Variants in CLCN7 observed in about 807,000 individuals in gnomAD.
CLCN7 encodes the protein Cl-/H+ antiporter 7, also known as H(+)/Cl(-) exchange transporter 7.
A neutral mutation model predicts 102.1 loss-of-function variants in CLCN7; 60 were observed. The ratio of observed to expected loss-of-function variants is 0.59; its 90% confidence interval spans 0.48 to 0.73. The LOEUF (loss-of-function observed/expected upper bound fraction) is 0.73, where lower values mean the gene tolerates loss of function less well. Among genes scored for constraint, CLCN7 ranks in the 30% least tolerant of loss-of-function variants. CLCN7 has a pLI of 0.00. For missense variants in CLCN7, 962 were observed against 1,125.7 expected (o/e 0.85, Z 2.08); for synonymous variants, 560 against 490.5 (o/e 1.14, Z -1.87).
rs941476232 is a variant in CLCN7 at position 1,451,992 on chromosome 16, T to C, written c.1354-276A>G. On this transcript the variant is annotated intron_variant, in intron 15 of 24. Coordinates refer to ENST00000382745, the MANE Select transcript of CLCN7 (RefSeq NM_001287.6). Reference sequence around the variant, plus strand: ...CCTGGGGGGTGGGTTAGCAGGACCATGGGCTGAGACGCTGTCCATCCCTGG... The same window carrying C: ...CCTGGGGGGTGGGTTAGCAGGACCACGGGCTGAGACGCTGTCCATCCCTGG... 6.7e-6 allele frequency: 3 copies of C among 445,762 alleles called. No homozygotes were observed. The Admixed American group carries it at 1.0e-4, about 15-fold the overall frequency. The allele number at this position is 445,762 out of a possible 1,614,324, so 27.6% of individuals were successfully genotyped here.
At position 1,448,578 on chromosome 16, in the gene CLCN7, G is replaced by A. The variant is rs78002466; in HGVS notation, c.1884-94C>T. On this transcript the variant is annotated intron_variant, in intron 20 of 24. Coordinates refer to ENST00000382745, the MANE Select transcript of CLCN7 (RefSeq NM_001287.6). ...GGTGAGGTGTGAAGCCGCTGGACAG[G>A]AAACGCGGGGCTGCCTGGAGCCCGC... The A allele has an allele frequency of 5.3e-3, 8,421 of 1,601,208 alleles. 383 individuals are homozygous for A. In the African/African-American group the frequency reaches 0.097, roughly 19 times the overall value.
chr16:1,461,058 T>C (rs2038928543), intron 4 of CLCN7, 110 bp from the exon 5 acceptor site: 1 of 1,370,458 alleles, frequency 7.3e-7, no homozygotes, highest in Non-Finnish European at 9.9e-7. Flanking sequence ...AAGGGCCCAG[T>C]GTGCACGGTG....
At position 1,448,663 on chromosome 16, in the gene CLCN7, G is replaced by A. The variant is rs1037040048; in HGVS notation, c.1883+18C>T. The A allele has an allele frequency of 6.2e-7, 1 of 1,612,186 alleles. No individual in the cohort carries two copies. On this transcript the variant is annotated intron_variant, in intron 20 of 24. Coordinates refer to ENST00000382745, the MANE Select transcript of CLCN7 (RefSeq NM_001287.6). The stretch of plus-strand genomic sequence containing the variant: ...CGCTGGACACCCTCCCCACCCACAG[G>A]TGTCCTGGGCGCTGTACCTGGCAGT...
At chr16:1,447,149 C>G (rs1338845909) in intron 23 of CLCN7, 63 bp from the exon 24 acceptor site, 1 of 1,467,020 alleles carries the variant, frequency 6.8e-7, no homozygotes, top group Admixed American at 1.9e-5. Flanking sequence ...GACCCTCACC[C>G]AAGCTGGCTC....
At chr16:1,470,340 T>C (rs546757528) in intron 1 of CLCN7, among the ~76,000 whole-genome samples, 7 of 152,168 alleles carry the variant, frequency 4.6e-5, no homozygotes, top group African/African-American at 1.7e-4. Context: ...CACAGTTTTT[T>C]TTAAAACTTA....
chr16:1,457,232 C>A lies in CLCN7; in HGVS notation c.822+22G>T. The A allele has an allele frequency of 1.9e-6, 3 of 1,609,114 alleles. No homozygotes were observed. The highest frequency in any genetic ancestry group is 2.6e-6 in the Non-Finnish European group (3 of 1,175,638). On this transcript the variant is annotated intron_variant, in intron 9 of 24. Coordinates refer to ENST00000382745, the MANE Select transcript of CLCN7 (RefSeq NM_001287.6). This position sits in a 1 kb window ranked among gnomAD's most constrained non-coding sequence, Gnocchi z 5.4. ...CCGTGCCCATGGCATCTGGAGCCCACCCACACAAGATTTCAACTCACCTTG... is the reference window on the plus strand; with the variant it reads ...CCGTGCCCATGGCATCTGGAGCCCAACCACACAAGATTTCAACTCACCTTG...
At chr16:1,461,708 T>C (rs753586657) in intron 2 of CLCN7, 34 bp from the exon 3 acceptor site, 4 of 1,581,880 alleles carry the variant, frequency 2.5e-6, no homozygotes, top group Non-Finnish European at 3.5e-6. Flanking sequence ...AGAAGCACAG[T>C]TGACAAGGCC....
In CLCN7 at chr16:1,450,627, A is replaced by G. The variant is rs1457451446; in HGVS notation, c.1487T>C (p.Val496Ala). 3 of 1,612,600 alleles carry G rather than the reference A, an allele frequency of 1.9e-6. No individual in the cohort carries two copies. The Admixed American group carries it at 5.0e-5, about 27-fold the overall frequency. Residue 496 changes from valine to alanine, a missense_variant, in exon 17 of 25, where the codon GTC becomes GCC. This residue lies in a region of CLCN7 where 799 missense variants were observed against 988.0 expected (regional missense o/e 0.81). Coordinates refer to ENST00000382745, the MANE Select transcript of CLCN7 (RefSeq NM_001287.6). Reference protein sequence around the residue: ...NPLTLGLFTLVYFFLACWTYG... With the variant: ...NPLTLGLFTLAYFFLACWTYG... ...GGTCCAGCAGGCCAGGAAGAAGTAG[A>G]CCAGCGTGAACAGGCCGAGGGTCAG...
chr16:1,457,141 G>T lies in CLCN7; in HGVS notation c.822+113C>A. On this transcript the variant is annotated intron_variant, in intron 9 of 24. Transcript: ENST00000382745. This position sits in a 1 kb window ranked among gnomAD's most constrained non-coding sequence, Gnocchi z 5.4. ...GGAGCCACCCGCCAGGCTGTCCTCA[G>T]ATGGGGCTGGGGCTCTCGGCCTGGG... is the stretch of plus-strand genomic sequence containing the variant. 1 of 1,033,688 alleles carries T rather than the reference G, an allele frequency of 9.7e-7. No individual in the cohort carries two copies. The highest frequency in any genetic ancestry group is 1.5e-6 in the Non-Finnish European group (1 of 663,724). The allele number at this position is 1,033,688 out of a possible 1,614,324, so 64.0% of individuals were successfully genotyped here. A position where few individuals can be genotyped will look rare whatever the true frequency, so the allele number is the denominator to read the frequency against.
rs1322381551 is a variant in CLCN7, at chr16:1,475,010, G to A, written c.-36C>T. On this transcript the variant is annotated 5_prime_UTR_variant, in exon 1 of 25. Coordinates refer to ENST00000382745, the MANE Select transcript of CLCN7 (RefSeq NM_001287.6). ...GGAGCGACACCGGCCGGGAAGCGCC[G>A]GCTGCCCCCGTGTTTGTTCTCGTGA... 8.9e-5 allele frequency: 126 copies of A among 1,419,808 alleles called. No individual in the cohort carries two copies. The highest frequency in any genetic ancestry group is 1.2e-4 in the Non-Finnish European group (125 of 1,084,024). 88.0% of individuals were successfully genotyped at this position (1,419,808 alleles called of 1,614,324 possible). A position where few individuals can be genotyped will look rare whatever the true frequency, so the allele number is the denominator to read the frequency against.
intron 1 of CLCN7, chr16:1,472,726 ATTTC>A (rs759337172): frequency 6.6e-5 from 10 of 150,770 alleles, no homozygotes; most frequent in Admixed American, 2.0e-4. Flanking sequence ...TGAACTTCAG[ATTTC>A]TTTAATTAAA....
At chr16:1,456,020 C>G in intron 10 of CLCN7, 93 bp downstream of exon 10, 2 of 1,172,796 alleles carry the variant, frequency 1.7e-6, no homozygotes, top group South Asian at 2.7e-5. Context: ...GCCTCTGCCA[C>G]CCTCAGCGGG....
chr16:1,448,526 C>A, intron 20 of CLCN7, 42 bp from the exon 21 acceptor site: 5 of 1,604,272 alleles, frequency 3.1e-6, no homozygotes, highest in East Asian at 2.2e-5. Flanking sequence ...CACACGCCAC[C>A]AACTCCCACA....
intron 21 of CLCN7, chr16:1,448,154 C>A: frequency 1.3e-6 from 1 of 744,480 alleles, no homozygotes; most frequent in Non-Finnish European, 2.2e-6. Context: ...CCCCAAGACC[C>A]TGCCAGGCCG....
At chr16:1,458,857 C>T (rs779165485) in intron 7 of CLCN7, among the ~76,000 whole-genome samples, 7 of 152,276 alleles carry the variant, frequency 4.6e-5, no homozygotes, top group Non-Finnish European at 8.8e-5. Context: ...CTGTGTCACA[C>T]ATGCACCACG....
At chr16:1,470,168 A>C (rs1217157201) in intron 1 of CLCN7, among the ~76,000 whole-genome samples, 1 of 152,230 alleles carries the variant, frequency 6.6e-6, no homozygotes, top group Non-Finnish European at 1.5e-5. Context: ...GTCATTAAAC[A>C]AAATGTTTTT....
At position 1,455,779 on chromosome 16, in the gene CLCN7, G is replaced by GC; in HGVS notation, c.932dup (p.Ser311ArgfsTer54). 6.2e-7 allele frequency: 1 copy of GC among 1,613,604 alleles called. No homozygotes were observed. On this transcript the variant is annotated frameshift_variant, in exon 11 of 25. Coordinates refer to ENST00000382745, the MANE Select transcript of CLCN7 (RefSeq NM_001287.6). LOFTEE classifies it high-confidence loss of function. Reference sequence around the variant, plus strand: ...TCCAGAAGGACGCACCCTCCTCCAAGCTGAACAGGACCCCACCTGGAAGGC... The same window carrying GC: ...TCCAGAAGGACGCACCCTCCTCCAAGCCTGAACAGGACCCCACCTGGAAGGC...
intron 24 of CLCN7, 69 bp from the exon 25 acceptor site, chr16:1,446,786 T>C (rs1264744399): frequency 2.2e-6 from 3 of 1,362,122 alleles, no homozygotes; most frequent in Non-Finnish European, 3.1e-6. Flanking sequence ...CTCCCTGCCT[T>C]GTGTGTGGCT....
intron 1 of CLCN7, among the ~76,000 whole-genome samples, chr16:1,466,110 G>A (rs1037572300): frequency 3.9e-5 from 6 of 152,264 alleles, no homozygotes; most frequent in African/African-American, 1.2e-4. Context: ...AGGGAAGAAG[G>A]GCTGCCTTCC....
Sources: allele counts gnomAD v4.1 joint callset (sites outside exome capture counted in the v4.1 genomes callset), GRCh38; gene constraint gnomAD v4.1.1; regional missense constraint gnomAD v4.1.1; non-coding constraint Gnocchi (gnomAD v3.1); transcripts MANE v1.5; gene names NCBI Gene and HGNC (gene_info 2026-07-23, HGNC 2026-07-21).